FUT8: variants seen among roughly 807,000 people sequenced by gnomAD.
FUT8 encodes the protein fucosyltransferase 8.
A neutral mutation model predicts 71.3 loss-of-function variants in FUT8; 29 were observed. The observed-to-expected ratio is 0.41, with a 90% CI of 0.30 to 0.55. FUT8 has a LOEUF of 0.55. Ranked by LOEUF, FUT8 falls within the 20% of genes least tolerant of loss-of-function variation. The pLI is 0.34. For synonymous variants in FUT8, 254 were observed against 239.3 expected (o/e 1.06, Z -0.57); for missense variants, 544 against 702.1 (o/e 0.77, Z 2.55).
At chr14:65,523,552 T>C (rs1883231783) in intron 2 of FUT8, among the ~76,000 whole-genome samples, 1 of 152,258 alleles carries the variant, frequency 6.6e-6, no homozygotes, top group African/African-American at 2.4e-5. Flanking sequence ...GTAGTTTCTT[T>C]TGCTGTGCAG....
At chr14:65,662,598 A>G (rs1332730502) in intron 6 of FUT8, among the ~76,000 whole-genome samples, 1 of 152,228 alleles carries the variant, frequency 6.6e-6, no homozygotes, top group Non-Finnish European at 1.5e-5. Context: ...GAACACACAC[A>G]TACAAAAAAC....
At chr14:65,646,127 C>T (rs1251136153) in intron 6 of FUT8, 5 of 152,130 alleles carry the variant, frequency 3.3e-5, no homozygotes, top group East Asian at 1.9e-4. Flanking sequence ...GGTAACATAG[C>T]ACAAGCCTCT....
chr14:65,647,119 G>A (rs17826820), intron 6 of FUT8, among the ~76,000 whole-genome samples: 19,431 of 152,116 alleles, frequency 0.13, 1,599 homozygotes, highest in East Asian at 0.38. Flanking sequence ...ATAGAAAATT[G>A]TGACATTCTA....
chr14:65,612,676 C>G (rs1889061271), intron 3 of FUT8, among the ~76,000 whole-genome samples: 1 of 152,188 alleles, frequency 6.6e-6, no homozygotes, highest in African/African-American at 2.4e-5. Context: ...CATTTCCCCT[C>G]CATACACTGT....
intron 3 of FUT8, among the ~76,000 whole-genome samples, chr14:65,586,644 A>G (rs1841056532): frequency 6.6e-6 from 1 of 152,262 alleles, no homozygotes; most frequent in South Asian, 2.1e-4. Flanking sequence ...TTTAAAATAT[A>G]AAGACATTAG....
At chr14:65,473,767 A>G (rs968074316) in intron 2 of FUT8, among the ~76,000 whole-genome samples, 5 of 152,266 alleles carry the variant, frequency 3.3e-5, no homozygotes, top group African/African-American at 1.2e-4. Context: ...CCCTAAACTA[A>G]TGTTTAGAAC....
chr14:65,516,315 G>A (rs560638677), intron 2 of FUT8: 5 of 152,050 alleles, frequency 3.3e-5, no homozygotes, highest in Non-Finnish European at 5.9e-5. Context: ...CTGAAGAAAA[G>A]GATAAAAGAA....
the FUT8 span, among the ~76,000 whole-genome samples, chr14:65,399,231 C>T: frequency 2.6e-5 from 4 of 152,142 alleles, no homozygotes; most frequent in African/African-American, 7.2e-5. Context: ...GCAGGAGAAT[C>T]GCTTGAACCC....
At chr14:65,452,826 C>T (rs947804171) in intron 1 of FUT8, among the ~76,000 whole-genome samples, 4 of 152,178 alleles carry the variant, frequency 2.6e-5, no homozygotes, top group Admixed American at 6.5e-5. Context: ...GGACTTCCAA[C>T]GTTCTAGTTT....
At chr14:65,668,342 A>G (rs1892316331) in intron 6 of FUT8, among the ~76,000 whole-genome samples, 1 of 152,180 alleles carries the variant, frequency 6.6e-6, no homozygotes, top group Non-Finnish European at 1.5e-5. Context: ...AGAATCTATA[A>G]GGAACTTAAC....
intron 2 of FUT8, among the ~76,000 whole-genome samples, chr14:65,551,444 A>G (rs1278419829): frequency 6.6e-6 from 1 of 152,224 alleles, no homozygotes; most frequent in Admixed American, 6.5e-5. Context: ...TTATAAAGAT[A>G]AGTCTCAGAA....
At chr14:65,616,498 C>T (rs760763835) in intron 5 of FUT8, 125 bp downstream of exon 5, 51 of 786,372 alleles carry the variant, frequency 6.5e-5, no homozygotes, top group East Asian at 1.6e-4. Flanking sequence ...ATTTAAGAGG[C>T]GAAGAGTACC....
intron 2 of FUT8, among the ~76,000 whole-genome samples, chr14:65,504,994 T>C (rs1409605063): frequency 6.6e-6 from 1 of 152,234 alleles, no homozygotes; most frequent in Non-Finnish European, 1.5e-5. Context: ...TAATTATTGA[T>C]GCAGTATCAC....
At chr14:65,493,526 C>T (rs962593692) in intron 2 of FUT8, among the ~76,000 whole-genome samples, 1 of 152,104 alleles carries the variant, frequency 6.6e-6, no homozygotes, top group Non-Finnish European at 1.5e-5. Flanking sequence ...ATTCTTAGCA[C>T]TGAAGTCTCA....
the FUT8 span, among the ~76,000 whole-genome samples, chr14:65,392,527 G>T: frequency 6.6e-6 from 1 of 152,022 alleles, no homozygotes; most frequent in African/African-American, 2.4e-5. Flanking sequence ...AAATACCAGT[G>T]CAGCAAGTAG....
chr14:65,697,686 G>A (rs1894064917), intron 7 of FUT8, among the ~76,000 whole-genome samples: 2 of 152,214 alleles, frequency 1.3e-5, no homozygotes, highest in African/African-American at 2.4e-5. Flanking sequence ...CCTGTTGCCT[G>A]TAATCCCAGC....
At chr14:65,717,257 C>T (rs1263675947) in intron 7 of FUT8, among the ~76,000 whole-genome samples, 5 of 107,130 alleles carry the variant, frequency 4.7e-5, no homozygotes, top group South Asian at 3.5e-4. Context: ...ACCTCCCAGA[C>T]GGGGCGGCCG....
intron 2 of FUT8, among the ~76,000 whole-genome samples, chr14:65,460,773 T>C (rs1174338153): frequency 6.6e-6 from 1 of 152,172 alleles, no homozygotes; most frequent in South Asian, 2.1e-4. Flanking sequence ...TTAAGTTGGA[T>C]CTTTCAGTGG....
chr14:65,532,408 C>A (rs78522770), intron 2 of FUT8, among the ~76,000 whole-genome samples: 1 of 152,030 alleles, frequency 6.6e-6, no homozygotes, highest in Non-Finnish European at 1.5e-5. Flanking sequence ...GGCTTTTTTT[C>A]ATATACTTGT....
Sources: allele counts gnomAD v4.1 joint callset (sites outside exome capture counted in the v4.1 genomes callset), GRCh38; gene constraint gnomAD v4.1.1; transcripts MANE v1.5; gene names NCBI Gene and HGNC (gene_info 2026-07-23, HGNC 2026-07-21).